The following FBN2 variants were observed in gnomAD, a reference collection of about 807,000 sequenced individuals.
The protein encoded by FBN2 is fibrillin 2.
FBN2 carries 105 observed loss-of-function variants against 355.6 expected under a neutral mutation model. That is an observed-to-expected ratio of 0.30 (90% CI 0.25 to 0.35). FBN2 has a LOEUF of 0.35. Ranked by LOEUF, FBN2 falls within the 10% of genes least tolerant of loss-of-function variation. The probability of loss-of-function intolerance (pLI) is 1.00; values close to 1 mark genes in which losing one functional copy is unlikely to be tolerated. For missense variants in FBN2, 3,280 were observed against 3,758.7 expected (o/e 0.87, Z 3.33); for synonymous variants, 1,350 against 1,301.2 (o/e 1.04, Z -0.81).
rs1754859585 is a variant in FBN2, at chr5:128,471,521, C to CA, written c.629-6601dup. The stretch of plus-strand genomic sequence containing the variant: ...ATCTCAGAAATTTTAGAATTAAGTA[C>CA]AAAAATGTTTAAGAGAATCAAAGCC... On this transcript the variant is annotated intron_variant, in intron 5 of 64. Transcript: ENST00000262464. Among the ~76,000 whole-genome samples the CA allele has an allele frequency of 2.0e-5, 3 of 151,982 alleles. No homozygotes were observed. The South Asian group carries it at 6.2e-4, about 32-fold the overall frequency.
intron 8 of FBN2, among the ~76,000 whole-genome samples, chr5:128,399,913 A>C (rs572910577): frequency 6.6e-6 from 1 of 151,986 alleles, no homozygotes; most frequent in Non-Finnish European, 1.5e-5. Context: ...AAAAAAATAC[A>C]AAAAAAGTAA....
chr5:128,443,150 C>G (rs1753968826), intron 7 of FBN2, among the ~76,000 whole-genome samples: 1 of 152,034 alleles, frequency 6.6e-6, no homozygotes, highest in African/African-American at 2.4e-5. Context: ...TGCAGGTGAC[C>G]AAAGAGGAAC....
chr5:128,312,870 A>C, intron 36 of FBN2, 75 bp from the exon 37 acceptor site: 1 of 1,525,464 alleles, frequency 6.6e-7, no homozygotes, highest in Non-Finnish European at 9.0e-7. Context: ...AAAGTCACTC[A>C]AAGGATGAAA....
intron 21 of FBN2, among the ~76,000 whole-genome samples, chr5:128,350,373 A>T (rs1433639967): frequency 6.6e-6 from 1 of 152,204 alleles, no homozygotes; most frequent in Non-Finnish European, 1.5e-5. Context: ...CAACATGGTG[A>T]AACCCCGTCT....
intron 55 of FBN2, among the ~76,000 whole-genome samples, 155 bp downstream of exon 55, chr5:128,286,563 C>T (rs1749150024): frequency 6.6e-6 from 1 of 152,234 alleles, no homozygotes; most frequent in Non-Finnish European, 1.5e-5. Context: ...ATTATATTAG[C>T]AGAGACCCTG....
chr5:128,338,494 T>C lies in FBN2; in HGVS notation c.3473-372A>G, dbSNP rs557911201. Among the ~76,000 whole-genome samples, 4 of 152,270 alleles carry C rather than the reference T, an allele frequency of 2.6e-5. No homozygotes were observed. The South Asian group carries it at 8.3e-4, about 32-fold the overall frequency. On this transcript the variant is annotated intron_variant, in intron 26 of 64. Coordinates refer to ENST00000262464, the MANE Select transcript of FBN2 (RefSeq NM_001999.4). Reference sequence around the variant, plus strand: ...TAGACTTATAACCTACTATATCCTATGAGGTAGGTCTTATATCATACTGAA... The same window carrying C: ...TAGACTTATAACCTACTATATCCTACGAGGTAGGTCTTATATCATACTGAA...
rs537054736 is a variant in FBN2 at position 128,288,732 on chromosome 5, G to A, written c.6638-175C>T. 6.6e-5 allele frequency among the ~76,000 whole-genome samples: 10 copies of A among 152,300 alleles called. 1 individual carries two copies. The South Asian group carries it at 1.7e-3, about 25-fold the overall frequency. ...GCTATGTAGTGCAGAGGGTCTGAAG[G>A]ATCAATGTGCAATGCTCTGGCCCCC... On this transcript the variant is annotated intron_variant, in intron 52 of 64. Coordinates refer to ENST00000262464, the MANE Select transcript of FBN2 (RefSeq NM_001999.4).
intron 62 of FBN2, 134 bp from the exon 63 acceptor site, chr5:128,263,790 G>A (rs1461346646): frequency 3.1e-6 from 2 of 650,994 alleles, no homozygotes; most frequent in Non-Finnish European, 5.3e-6. Context: ...TTATTCTGAC[G>A]ACTGATTTGC....
intron 64 of FBN2, among the ~76,000 whole-genome samples, chr5:128,260,323 T>C (rs1257828014): frequency 1.3e-5 from 2 of 152,198 alleles, no homozygotes; most frequent in Non-Finnish European, 2.9e-5. Flanking sequence ...GTGAGTTTAC[T>C]GGGAGCTATC....
In FBN2 at chr5:128,519,202, T is replaced by C. The variant is rs569318362; in HGVS notation, c.628+71A>G. The C allele has an allele frequency of 1.2e-5, 12 of 1,039,256 alleles. No homozygotes were observed. The African/African-American group carries it at 1.6e-4, about 14-fold the overall frequency. 64.4% of individuals were successfully genotyped at this position (1,039,256 alleles called of 1,614,324 possible). On this transcript the variant is annotated intron_variant, in intron 5 of 64. Transcript: ENST00000262464. ...TTTCATTAGCAGAATCTTCATTGAA[T>C]AGCAAAAAATTATACATTTTTACAA...
intron 64 of FBN2, among the ~76,000 whole-genome samples, chr5:128,260,033 G>A (rs573287463): frequency 2.6e-5 from 4 of 152,106 alleles, no homozygotes; most frequent in African/African-American, 9.6e-5. Flanking sequence ...ATTCCATCGA[G>A]AATACCCTGT....
intron 5 of FBN2, among the ~76,000 whole-genome samples, chr5:128,480,867 C>T (rs193132314): frequency 1.6e-3 from 251 of 152,182 alleles, no homozygotes; most frequent in Non-Finnish European, 2.9e-3. Context: ...ACAGTGATAT[C>T]GCAAGACTAA....
chr5:128,376,422 T>C (rs1752079031), intron 14 of FBN2, among the ~76,000 whole-genome samples: 1 of 152,214 alleles, frequency 6.6e-6, no homozygotes, highest in Non-Finnish European at 1.5e-5. Flanking sequence ...TTTTTCTTCT[T>C]CTTTTTTATT....
intron 55 of FBN2, among the ~76,000 whole-genome samples, chr5:128,282,629 A>G (rs1748994038): frequency 6.6e-6 from 1 of 152,086 alleles, no homozygotes; most frequent in South Asian, 2.1e-4. Flanking sequence ...AATTACTGAG[A>G]AGAGGTTGAA....
intron 15 of FBN2, among the ~76,000 whole-genome samples, chr5:128,374,181 T>C (rs541582318): frequency 6.6e-6 from 1 of 152,268 alleles, no homozygotes; most frequent in East Asian, 1.9e-4. Context: ...ATCTGGGGGT[T>C]CCTGTCCATT....
intron 48 of FBN2, among the ~76,000 whole-genome samples, chr5:128,293,148 T>G (rs755822934): frequency 1.3e-5 from 2 of 152,154 alleles, no homozygotes; most frequent in Non-Finnish European, 2.9e-5. Context: ...GTGTGTGTGG[T>G]CATGTTAGAA....
intron 32 of FBN2, among the ~76,000 whole-genome samples, chr5:128,331,177 T>A (rs1750682511): frequency 6.6e-6 from 1 of 152,174 alleles, no homozygotes; most frequent in Non-Finnish European, 1.5e-5. Context: ...AAAAACTAAA[T>A]CTTGCTATAT....
chr5:128,288,054 G>T (rs897295097), intron 53 of FBN2, among the ~76,000 whole-genome samples: 7 of 152,126 alleles, frequency 4.6e-5, no homozygotes, highest in Non-Finnish European at 8.8e-5. Flanking sequence ...TGTCTGCTAA[G>T]ACAAATACAT....
At chr5:128,321,118 A>G (rs1206916541) in intron 34 of FBN2, among the ~76,000 whole-genome samples, 2 of 152,184 alleles carry the variant, frequency 1.3e-5, no homozygotes, top group African/African-American at 4.8e-5. Context: ...TTCTCCAAGA[A>G]GGGTGGGACT....
Sources: allele counts gnomAD v4.1 joint callset (sites outside exome capture counted in the v4.1 genomes callset), GRCh38; gene constraint gnomAD v4.1.1; transcripts MANE v1.5; gene names NCBI Gene and HGNC (gene_info 2026-07-23, HGNC 2026-07-21).